The following MAD1L1 variants were observed in gnomAD, a reference collection of about 807,000 sequenced individuals.
MAD1L1 encodes mitotic spindle assembly checkpoint protein MAD1.
A neutral mutation model predicts 96.9 loss-of-function variants in MAD1L1; 95 were observed. The observed-to-expected ratio is 0.98, with a 90% CI of 0.83 to 1.16. The LOEUF (loss-of-function observed/expected upper bound fraction) is 1.16. Among genes scored for constraint, MAD1L1 ranks in the 50% most tolerant of loss-of-function variants. The probability of loss-of-function intolerance (pLI) is 0.00; values close to 1 mark genes in which losing one functional copy is unlikely to be tolerated. For missense variants in MAD1L1, 1,007 were observed against 954.4 expected, an observed-to-expected ratio of 1.06 and a Z score of -0.73; for synonymous variants, 473 against 396.6, an observed-to-expected ratio of 1.19 and a Z score of -2.29.
At chr7:2,138,489 T>C (rs1788865971) in intron 11 of MAD1L1, among the ~76,000 whole-genome samples, 1 of 152,116 alleles carries the variant, frequency 6.6e-6, no homozygotes, top group Non-Finnish European at 1.5e-5. Flanking sequence ...CAGATCCTAC[T>C]GACAAAACGG....
At chr7:2,132,070 G>A (rs911997111) in intron 11 of MAD1L1, among the ~76,000 whole-genome samples, 5 of 152,176 alleles carry the variant, frequency 3.3e-5, no homozygotes, top group South Asian at 2.1e-4. Context: ...GGAGGAAGCT[G>A]GCCCCAACTG....
At chr7:1,831,719 G>C (rs965288932) in intron 18 of MAD1L1, among the ~76,000 whole-genome samples, 2 of 152,208 alleles carry the variant, frequency 1.3e-5, no homozygotes, top group African/African-American at 2.4e-5. Context: ...TATGGAGACG[G>C]TAAATGAGCT....
intron 11 of MAD1L1, among the ~76,000 whole-genome samples, chr7:2,134,985 T>G (rs1337632078): frequency 2.0e-5 from 3 of 152,216 alleles, no homozygotes; most frequent in African/African-American, 4.8e-5. Flanking sequence ...AAACCAGAAC[T>G]GAGGACACCT....
At chr7:2,105,748 C>G (rs1277480074) in intron 11 of MAD1L1, among the ~76,000 whole-genome samples, 1 of 152,070 alleles carries the variant, frequency 6.6e-6, no homozygotes, top group Non-Finnish European at 1.5e-5. Context: ...CAGATGAGAC[C>G]AGAAAGTCCA....
chr7:2,124,366 T>C (rs994452002), intron 11 of MAD1L1, among the ~76,000 whole-genome samples: 20 of 152,120 alleles, frequency 1.3e-4, no homozygotes, highest in Non-Finnish European at 2.9e-5. Context: ...GTGGAACTGA[T>C]TTGGGAAGAG....
intron 1 of MAD1L1, among the ~76,000 whole-genome samples, chr7:2,231,212 C>T (rs965647316): frequency 1.3e-5 from 2 of 151,834 alleles, no homozygotes; most frequent in African/African-American, 4.8e-5. Flanking sequence ...GCACAAGAAT[C>T]GCTTGAAACT....
At chr7:2,181,652 T>C (rs1791204535) in intron 10 of MAD1L1, among the ~76,000 whole-genome samples, 1 of 152,170 alleles carries the variant, frequency 6.6e-6, no homozygotes, top group Non-Finnish European at 1.5e-5. Context: ...GAACTGAAAG[T>C]AGAGCTACCG....
chr7:2,170,823 C>A (rs1183021424), intron 10 of MAD1L1, among the ~76,000 whole-genome samples: 1 of 152,126 alleles, frequency 6.6e-6, no homozygotes, highest in African/African-American at 2.4e-5. Flanking sequence ...AAAGTCGGGG[C>A]GTCAGAGATG....
chr7:2,113,186 C>T (rs753028110), intron 11 of MAD1L1, among the ~76,000 whole-genome samples: 2 of 151,884 alleles, frequency 1.3e-5, no homozygotes, highest in Non-Finnish European at 2.9e-5. Flanking sequence ...TCAGGAAACA[C>T]GGAAGAGACG....
intron 11 of MAD1L1, among the ~76,000 whole-genome samples, chr7:2,130,359 C>T (rs970579888): frequency 1.3e-5 from 2 of 152,252 alleles, no homozygotes; most frequent in Non-Finnish European, 2.9e-5. Flanking sequence ...CACGCCATTA[C>T]AGCCCCCAAC....
chr7:2,182,531 C>T (rs922407608), intron 10 of MAD1L1, among the ~76,000 whole-genome samples: 40 of 152,104 alleles, frequency 2.6e-4, no homozygotes, highest in African/African-American at 8.7e-4. Flanking sequence ...CTTGAATGTT[C>T]GTAATAGCCA....
At chr7:2,160,590 C>T (rs56354745) in intron 10 of MAD1L1, among the ~76,000 whole-genome samples, 2,431 of 152,076 alleles carry the variant, frequency 0.016, 69 homozygotes, top group African/African-American at 0.056. Flanking sequence ...GCTTCGGCCT[C>T]CCAAAGTGCT....
chr7:2,076,699 G>A (rs758544781), intron 11 of MAD1L1, among the ~76,000 whole-genome samples: 2 of 152,128 alleles, frequency 1.3e-5, no homozygotes, highest in African/African-American at 2.4e-5. Context: ...ATGACACAGC[G>A]AGCACATGGC....
chr7:2,058,764 T>C, intron 12 of MAD1L1, among the ~76,000 whole-genome samples: 1 of 97,824 alleles, frequency 1.0e-5, no homozygotes, highest in African/African-American at 4.1e-5. Context: ...GAAGCAGGGC[T>C]GGAGAGGGAG....
chr7:1,962,759 C>T (rs1236058019), intron 15 of MAD1L1, among the ~76,000 whole-genome samples: 1 of 152,156 alleles, frequency 6.6e-6, no homozygotes, highest in Non-Finnish European at 1.5e-5. Flanking sequence ...GACATGACTG[C>T]CAACCTATTA....
At chr7:1,916,862 A>T (rs556582776) in intron 17 of MAD1L1, among the ~76,000 whole-genome samples, 4 of 151,898 alleles carry the variant, frequency 2.6e-5, no homozygotes, top group Non-Finnish European at 5.9e-5. Context: ...ACCCTGGCGC[A>T]TCTCCCGAGC....
intron 17 of MAD1L1, 132 bp downstream of exon 17, chr7:1,936,555 G>A (rs959172425): frequency 1.7e-4 from 163 of 934,168 alleles, no homozygotes; most frequent in Admixed American, 4.8e-4. Context: ...CACCAGACCC[G>A]GCTGCCCACA....
At chr7:2,178,954 T>A (rs1453346611) in intron 10 of MAD1L1, among the ~76,000 whole-genome samples, 4 of 151,622 alleles carry the variant, frequency 2.6e-5, no homozygotes, top group Non-Finnish European at 5.9e-5. Context: ...TGAATTGGAT[T>A]TCATCAAAAT....
At chr7:2,168,753 C>T (rs1020058297) in intron 10 of MAD1L1, among the ~76,000 whole-genome samples, 2 of 152,220 alleles carry the variant, frequency 1.3e-5, no homozygotes, top group Admixed American at 1.3e-4. Context: ...GGCCGGAACA[C>T]CAAGGAGCTC....
Sources: gnomAD v4.1 joint callset for allele counts (sites outside exome capture counted in the v4.1 genomes callset) on GRCh38, gnomAD v4.1.1 for gene constraint, MANE v1.5 for transcripts, NCBI Gene and HGNC (gene_info 2026-07-23, HGNC 2026-07-21) for gene names.